The following RALYL variants were observed in gnomAD, a reference collection of about 807,000 sequenced individuals.
RALYL encodes the protein RALY RNA binding protein like, also known as RNA-binding Raly-like protein.
A neutral mutation model predicts 35.1 loss-of-function variants in RALYL; 29 were observed. That is an observed-to-expected ratio of 0.83 (90% CI 0.61 to 1.13). RALYL has a LOEUF of 1.13. RALYL is among the 50% of genes most tolerant of loss of function. The pLI, the probability that RALYL is intolerant of heterozygous loss-of-function variation, is 0.00. For missense variants in RALYL, 359 were observed against 360.4 expected (o/e 1.00, Z 0.03); for synonymous variants, 120 against 127.6 (o/e 0.94, Z 0.40).
intron 4 of RALYL, among the ~76,000 whole-genome samples, chr8:84,819,983 C>A (rs990272191): frequency 2.6e-5 from 4 of 151,604 alleles, no homozygotes; most frequent in Admixed American, 2.6e-4. Context: ...AACCCTGCCC[C>A]AAAAAAATTT....
At chr8:84,895,425 T>A (rs1289407468) in intron 8 of RALYL, among the ~76,000 whole-genome samples, 1 of 152,162 alleles carries the variant, frequency 6.6e-6, no homozygotes, top group Non-Finnish European at 1.5e-5. Context: ...TATATATTTT[T>A]TTCCAAAGTC....
chr8:84,677,558 A>G (rs746450715), intron 2 of RALYL, among the ~76,000 whole-genome samples: 1 of 152,218 alleles, frequency 6.6e-6, no homozygotes, highest in Non-Finnish European at 1.5e-5. Context: ...AGAAAAGTGT[A>G]CCTATAACAT....
intron 2 of RALYL, among the ~76,000 whole-genome samples, chr8:84,595,747 G>A (rs1325556076): frequency 6.8e-6 from 1 of 147,966 alleles, no homozygotes; most frequent in African/African-American, 2.5e-5. Flanking sequence ...CACAGAGAGT[G>A]AAGTTAAAAC....
intron 1 of RALYL, among the ~76,000 whole-genome samples, chr8:84,414,083 G>A (rs112303145): frequency 0.03 from 4,609 of 151,984 alleles, 216 homozygotes; most frequent in African/African-American, 0.1. Context: ...ATTGTGTTCA[G>A]CAGAAAAATG....
chr8:84,890,920 G>T (rs1205398602), intron 8 of RALYL, among the ~76,000 whole-genome samples: 3 of 152,118 alleles, frequency 2.0e-5, no homozygotes, highest in Admixed American at 1.3e-4. Context: ...ACACGGTTGT[G>T]GGGGGCAGTT....
chr8:84,659,110 G>T (rs1285975204), intron 2 of RALYL, among the ~76,000 whole-genome samples: 2 of 152,274 alleles, frequency 1.3e-5, no homozygotes, highest in East Asian at 3.9e-4. Flanking sequence ...TGACCAAGGA[G>T]CTAGTTAGAC....
intron 1 of RALYL, among the ~76,000 whole-genome samples, chr8:84,359,949 T>C (rs1333699897): frequency 4.0e-5 from 6 of 151,430 alleles, no homozygotes; most frequent in Admixed American, 3.3e-4. Context: ...CAGGCTGGAG[T>C]GCAGTGGTGT....
At chr8:84,800,052 G>A (rs953881154) in intron 3 of RALYL, among the ~76,000 whole-genome samples, 1 of 152,212 alleles carries the variant, frequency 6.6e-6, no homozygotes, top group Non-Finnish European at 1.5e-5. Context: ...GAGATATTTC[G>A]TGGGCAGCTA....
At chr8:84,640,385 G>A (rs1342858997) in intron 2 of RALYL, among the ~76,000 whole-genome samples, 3 of 151,924 alleles carry the variant, frequency 2.0e-5, no homozygotes, top group East Asian at 1.9e-4. Context: ...TGCTTCTTAT[G>A]GGAAGCCCAT....
chr8:84,530,772 C>T (rs2059226943), intron 2 of RALYL, among the ~76,000 whole-genome samples: 1 of 152,090 alleles, frequency 6.6e-6, no homozygotes, highest in Non-Finnish European at 1.5e-5. Context: ...CATTCTATAC[C>T]ATACCTACAA....
At chr8:84,244,701 T>C (rs1437274904) in intron 1 of RALYL, among the ~76,000 whole-genome samples, 10 of 152,214 alleles carry the variant, frequency 6.6e-5, no homozygotes, top group Non-Finnish European at 4.4e-5. Context: ...ATTTATTATC[T>C]TTCACATTTT....
At chr8:84,209,648 G>C (rs760115168) in intron 1 of RALYL, among the ~76,000 whole-genome samples, 5 of 152,134 alleles carry the variant, frequency 3.3e-5, no homozygotes, top group Non-Finnish European at 7.4e-5. Flanking sequence ...CTAGACTTAG[G>C]TTCACCTGAG....
At chr8:84,332,853 A>T (rs1048106399) in intron 1 of RALYL, among the ~76,000 whole-genome samples, 9 of 152,158 alleles carry the variant, frequency 5.9e-5, no homozygotes, top group Non-Finnish European at 8.8e-5. Flanking sequence ...TGACCTGGAA[A>T]CTAAACTAAG....
intron 4 of RALYL, among the ~76,000 whole-genome samples, chr8:84,831,146 CAT>C (rs531197986): frequency 1.3e-5 from 2 of 151,992 alleles, no homozygotes; most frequent in Non-Finnish European, 2.9e-5. Context: ...TTTTATAGAA[CAT>C]GAGTCAATAA....
At chr8:84,457,009 TAAAG>T (rs906514917) in intron 1 of RALYL, among the ~76,000 whole-genome samples, 1 of 151,928 alleles carries the variant, frequency 6.6e-6, no homozygotes, top group Non-Finnish European at 1.5e-5. Flanking sequence ...CAATCTAAAA[TAAAG>T]AATCTCTATT....
At chr8:84,395,089 C>T (rs1164917055) in intron 1 of RALYL, among the ~76,000 whole-genome samples, 1 of 151,788 alleles carries the variant, frequency 6.6e-6, no homozygotes, top group East Asian at 1.9e-4. Context: ...AACTCATAGA[C>T]AATTGCTGAC....
intron 2 of RALYL, among the ~76,000 whole-genome samples, chr8:84,546,818 A>G (rs1370582288): frequency 2.0e-5 from 3 of 152,162 alleles, no homozygotes; most frequent in South Asian, 4.1e-4. Context: ...GGGCTCTTGA[A>G]TGACTTTATT....
chr8:84,205,269 AG>A (rs1158421706), intron 1 of RALYL, among the ~76,000 whole-genome samples: 4 of 152,320 alleles, frequency 2.6e-5, no homozygotes, highest in Admixed American at 2.6e-4. Flanking sequence ...TCAGCTAAAG[AG>A]AAAAATGTAA....
At chr8:84,519,128 G>A (rs1426149276) in intron 1 of RALYL, among the ~76,000 whole-genome samples, 1 of 152,194 alleles carries the variant, frequency 6.6e-6, no homozygotes, top group South Asian at 2.1e-4. Context: ...TGACTCTCCA[G>A]ATTTGCTTTG....
Sources: allele counts gnomAD v4.1 joint callset (sites outside exome capture counted in the v4.1 genomes callset), GRCh38; gene constraint gnomAD v4.1.1; transcripts MANE v1.5; gene names NCBI Gene and HGNC (gene_info 2026-07-23, HGNC 2026-07-21).